Variants in PAK3 observed in about 807,000 individuals in gnomAD.
The protein encoded by PAK3 is p21 (RAC1) activated kinase 3.
PAK3 carries 4 observed loss-of-function variants against 41.0 expected under a neutral mutation model. That is an observed-to-expected ratio of 0.10 (90% confidence interval 0.05 to 0.22). The LOEUF is 0.22. Ranked by LOEUF, PAK3 falls within the 10% of genes least tolerant of loss-of-function variation. PAK3 has a pLI of 1.00. For missense variants in PAK3, 205 were observed against 409.9 expected, an observed-to-expected ratio of 0.50 and a Z score of 4.32; for synonymous variants, 146 against 139.6, an observed-to-expected ratio of 1.05 and a Z score of -0.32.
At chrX:111,203,636 T>A (rs1416116874) in intron 16 of PAK3, among the ~76,000 whole-genome samples, 1 of 111,845 alleles carries the variant, frequency 8.9e-6, no homozygotes, top group Non-Finnish European at 1.9e-5. Flanking sequence ...TCTTATTTCT[T>A]CTTGTGGGAA....
chrX:111,215,301 G>C (rs958621052), intron 16 of PAK3, among the ~76,000 whole-genome samples: 1 of 111,651 alleles, frequency 9.0e-6, no homozygotes, highest in East Asian at 2.8e-4. Context: ...GCTCACACCT[G>C]TAATCCCAGC....
chrX:111,084,819 T>A (rs1249145141), intron 1 of PAK3, among the ~76,000 whole-genome samples: 1 of 112,232 alleles, frequency 8.9e-6, no homozygotes, highest in Non-Finnish European at 1.9e-5. Flanking sequence ...CTCAGGGGAA[T>A]GTGTGGGGCT....
At chrX:111,111,376 G>T (rs1229945034) in intron 4 of PAK3, among the ~76,000 whole-genome samples, 1 of 111,753 alleles carries the variant, frequency 8.9e-6, no homozygotes, top group African/African-American at 3.2e-5. Context: ...TTCTAGTTAA[G>T]TTTTTACTGA....
At chrX:111,052,059 AC>A (rs2092563922) in intron 1 of PAK3, among the ~76,000 whole-genome samples, 1 of 111,982 alleles carries the variant, frequency 8.9e-6, no homozygotes, top group Non-Finnish European at 1.9e-5. Context: ...TGTGAGGAGG[AC>A]TTTGGGAACA....
intron 1 of PAK3, among the ~76,000 whole-genome samples, chrX:111,016,961 A>G (rs919477762): frequency 8.0e-5 from 9 of 111,861 alleles, no homozygotes; most frequent in African/African-American, 2.9e-4. Context: ...TGAAAACTCA[A>G]CAAAGATAGT....
At chrX:111,047,860 A>G (rs1389227161) in intron 1 of PAK3, among the ~76,000 whole-genome samples, 2 of 111,977 alleles carry the variant, frequency 1.8e-5, no homozygotes, top group African/African-American at 6.5e-5. Context: ...TCTCTTCTGC[A>G]TCATCAATCT....
rs1368438730 is a variant in PAK3 at position 111,222,452 on chromosome X, G to A, written c.*2005G>A. 6 of 112,014 alleles carry A rather than the reference G, an allele frequency of 5.4e-5. No individual in the cohort carries two copies. The highest frequency in any genetic ancestry group is 5.6e-5 in the Non-Finnish European group (3 of 53,166). The allele number at this position is 112,014 out of a possible 1,213,427, so 9.2% of individuals were successfully genotyped here. ...TCCACAGTGGGATAAAACAACAAAT[G>A]TGAAAAGAAAATGAAACGGTAATAT... On this transcript the variant is annotated 3_prime_UTR_variant, in exon 18 of 18. Coordinates refer to ENST00000372007, the MANE Select transcript of PAK3 (RefSeq NM_002578.5).
chrX:111,061,988 A>T (rs1419656827), intron 1 of PAK3, among the ~76,000 whole-genome samples: 3 of 109,733 alleles, frequency 2.7e-5, no homozygotes, highest in African/African-American at 1.0e-4. Context: ...TTAATTTTTT[A>T]AATTTTTTTT....
intron 1 of PAK3, among the ~76,000 whole-genome samples, chrX:111,020,441 G>C (rs889988558): frequency 9.0e-6 from 1 of 111,570 alleles, no homozygotes; most frequent in Non-Finnish European, 1.9e-5. Context: ...TACAGTTTCA[G>C]TTGGGGAAGA....
At chrX:111,069,414 G>T (rs917891702) in intron 1 of PAK3, among the ~76,000 whole-genome samples, 1 of 111,855 alleles carries the variant, frequency 8.9e-6, no homozygotes, top group Non-Finnish European at 1.9e-5. Context: ...TTTTCTTCCA[G>T]TTAACTCCAC....
chrX:111,142,677 G>C (rs1040489511), intron 6 of PAK3, among the ~76,000 whole-genome samples: 2 of 111,776 alleles, frequency 1.8e-5, no homozygotes, highest in African/African-American at 6.5e-5. Context: ...ACATAGATAA[G>C]TTTTACAATT....
At position 111,165,646 on chromosome X, in the gene PAK3, G is replaced by A. The variant is rs962679907; in HGVS notation, c.766+1919G>A. Among the ~76,000 whole-genome samples the A allele has an allele frequency of 5.3e-5, 6 of 112,202 alleles. No individual in the cohort carries two copies. In the South Asian group the frequency reaches 1.5e-3, roughly 27 times the overall value. On this transcript the variant is annotated intron_variant, in intron 10 of 17. Coordinates refer to ENST00000372007, the MANE Select transcript of PAK3 (RefSeq NM_002578.5). ...GTTCAATTATTCAGACAATTGGCAC[G>A]TTTTTCTTTATTTTGCATATGTAGA...
At chrX:111,089,356 T>C (rs945218653) in intron 1 of PAK3, among the ~76,000 whole-genome samples, 2 of 112,178 alleles carry the variant, frequency 1.8e-5, no homozygotes, top group African/African-American at 6.5e-5. Flanking sequence ...ATAAGACTTT[T>C]CTAAATTAGT....
chrX:111,135,644 G>T (rs1191546993), intron 5 of PAK3, among the ~76,000 whole-genome samples: 1 of 111,479 alleles, frequency 9.0e-6, no homozygotes, highest in Non-Finnish European at 1.9e-5. Flanking sequence ...GGAAATGTTA[G>T]CTTCAAGAAG....
At chrX:111,009,002 T>C (rs1220073015) in intron 1 of PAK3, among the ~76,000 whole-genome samples, 1 of 110,476 alleles carries the variant, frequency 9.1e-6, no homozygotes, top group Non-Finnish European at 1.9e-5. Flanking sequence ...GTAACCATGG[T>C]ACTGAGAGCC....
chrX:111,204,789 T>C (rs2094721201), intron 16 of PAK3, among the ~76,000 whole-genome samples: 1 of 109,981 alleles, frequency 9.1e-6, no homozygotes, highest in African/African-American at 3.3e-5. Context: ...AGTTCTAACA[T>C]TATCCCAATA....
intron 1 of PAK3, among the ~76,000 whole-genome samples, chrX:111,064,445 C>T: frequency 9.4e-6 from 1 of 105,866 alleles, no homozygotes; most frequent in Admixed American, 1.0e-4. Context: ...GTGCCCCTCC[C>T]TCCCTCCCTC....
At chrX:111,022,713 C>A (rs1340674442) in intron 1 of PAK3, among the ~76,000 whole-genome samples, 1 of 110,607 alleles carries the variant, frequency 9.0e-6, no homozygotes, top group Admixed American at 9.6e-5. Flanking sequence ...AATAGATGAC[C>A]TGAATGCTCC....
At chrX:111,118,879 A>G (rs935388003) in intron 4 of PAK3, among the ~76,000 whole-genome samples, 1 of 111,983 alleles carries the variant, frequency 8.9e-6, no homozygotes, top group African/African-American at 3.2e-5. Context: ...CAATTGAAAT[A>G]AATATTTTTA....
Sources: allele counts gnomAD v4.1 joint callset (sites outside exome capture counted in the v4.1 genomes callset), GRCh38; gene constraint gnomAD v4.1.1; transcripts MANE v1.5; gene names NCBI Gene and HGNC (gene_info 2026-07-23, HGNC 2026-07-21).